PPP2R2C: variants seen among roughly 807,000 people sequenced by gnomAD.
The protein encoded by PPP2R2C is protein phosphatase 2, regulatory subunit B, gamma.
A neutral mutation model predicts 45.3 loss-of-function variants in PPP2R2C; 10 were observed. The observed-to-expected ratio is 0.22, with a 90% CI of 0.14 to 0.37. The LOEUF is 0.37. Among genes scored for constraint, PPP2R2C ranks in the 10% least tolerant of loss-of-function variants. The probability of loss-of-function intolerance (pLI) is 1.00; values close to 1 mark genes in which losing one functional copy is unlikely to be tolerated. For synonymous variants in PPP2R2C, 257 were observed against 245.4 expected, an observed-to-expected ratio of 1.05 and a Z score of -0.44; for missense variants, 308 against 619.7, an observed-to-expected ratio of 0.50 and a Z score of 5.34.
chr4:6,414,158 G>A (rs1718404046), intron 1 of PPP2R2C: 1 of 1,077,864 alleles, frequency 9.3e-7, no homozygotes, highest in Non-Finnish European at 1.2e-6. Context: ...ACAAAATACG[G>A]CCTAGTATGC....
rs538568810 is a variant in PPP2R2C at position 6,401,347 on chromosome 4, C to T, written c.71-20253G>A. Among the ~76,000 whole-genome samples the T allele has an allele frequency of 3.8e-4, 58 of 152,174 alleles. No individual in the cohort carries two copies. In the South Asian group the frequency reaches 4.2e-3, roughly 11 times the overall value. Reference sequence around the variant, plus strand: ...GCTGTTTCCGAGTATTGTCAGGAACCGTCTTTGGACTGCCTCCTTCACTTC... The same window carrying T: ...GCTGTTTCCGAGTATTGTCAGGAACTGTCTTTGGACTGCCTCCTTCACTTC... On this transcript the variant is annotated intron_variant, in intron 1 of 8. Transcript: ENST00000382599.
intron 1 of PPP2R2C, among the ~76,000 whole-genome samples, chr4:6,539,224 G>A (rs1427597134): frequency 6.6e-6 from 1 of 152,094 alleles, no homozygotes; most frequent in Non-Finnish European, 1.5e-5. Context: ...TGGAGGTGGA[G>A]GTTGGGATGA....
intron 5 of PPP2R2C, among the ~76,000 whole-genome samples, chr4:6,359,960 G>A (rs886438770): frequency 2.0e-5 from 3 of 152,210 alleles, no homozygotes; most frequent in Non-Finnish European, 2.9e-5. Flanking sequence ...CTCCACAAAC[G>A]CCAAAAGCAG....
rs1026917508 is a variant in PPP2R2C at position 6,332,180 on chromosome 4, C to T, written c.960+1382G>A. The stretch of plus-strand genomic sequence containing the variant: ...GACCTCAGGGATGGAGGTAAGTGAC[C>T]GGACAAGGGGCCGGAGGGGGTTGGA... On this transcript the variant is annotated intron_variant, in intron 7 of 8. Coordinates refer to ENST00000382599, the MANE Select transcript of PPP2R2C (RefSeq NM_020416.4). This position sits in a 1 kb window ranked among gnomAD's most constrained non-coding sequence, Gnocchi z 4.9. Among the ~76,000 whole-genome samples, 1 of 152,096 alleles carries T rather than the reference C, an allele frequency of 6.6e-6. No homozygotes were observed. The highest frequency in any genetic ancestry group is 2.1e-4 in the South Asian group (1 of 4,826).
rs147030523 is a variant in PPP2R2C at position 6,408,606 on chromosome 4, A to G, written c.71-27512T>C. 1.8e-3 allele frequency among the ~76,000 whole-genome samples: 267 copies of G among 152,314 alleles called. 1 individual carries two copies. Among genetic ancestry groups the G allele is most frequent in the African/African-American group, 6.0e-3 (249 of 41,574 alleles). ...GAGCAGGCGAGTGATTTCAGACCTC[A>G]GATGCAGGGCAATTACAGTGGGCTT... On this transcript the variant is annotated intron_variant, in intron 1 of 8. Transcript: ENST00000382599.
At position 6,323,471 on chromosome 4, in the gene PPP2R2C, C is replaced by T. The variant is rs1403427226; in HGVS notation, c.1175G>A (p.Arg392His). 9 of 1,612,764 alleles carry T rather than the reference C, an allele frequency of 5.6e-6. No homozygotes were observed. The highest frequency in any genetic ancestry group is 7.6e-6 in the Non-Finnish European group (9 of 1,178,908). Residue 392 changes from arginine (R) to histidine (H), a missense_variant, in exon 9 of 9, where the codon CGC (arginine) becomes CAC (histidine). Arg to His is a conservative substitution (Grantham distance 29). Coordinates refer to ENST00000382599, the MANE Select transcript of PPP2R2C (RefSeq NM_020416.4). ...SKPRAVLKPR[R>H]VCVGGKRRRD... Reference sequence around the variant, plus strand: ...CCGGCGCTTGCCCCCCACGCACACGCGCCGTGGCTTGAGCACAGCCCGGGG... The same window carrying T: ...CCGGCGCTTGCCCCCCACGCACACGTGCCGTGGCTTGAGCACAGCCCGGGG...
At chr4:6,390,254 G>T (rs1006499370) in intron 1 of PPP2R2C, among the ~76,000 whole-genome samples, 1 of 152,168 alleles carries the variant, frequency 6.6e-6, no homozygotes, top group African/African-American at 2.4e-5. Context: ...GTGCCTGGGG[G>T]ATTGAGCAAA....
At position 6,393,280 on chromosome 4, in the gene PPP2R2C, T is replaced by A. The variant is rs542777613; in HGVS notation, c.71-12186A>T. Among the ~76,000 whole-genome samples, 122 of 152,244 alleles carry A rather than the reference T, an allele frequency of 8.0e-4. 1 individual carries two copies. Among genetic ancestry groups the A allele is most frequent in the Non-Finnish European group, 1.3e-3 (91 of 68,018 alleles). ...CAGCCCCCGGAAATCACTGATCTACTTCCTGTTTCTATGGATTTTGCCTAC... is the reference window on the plus strand; with the variant it reads ...CAGCCCCCGGAAATCACTGATCTACATCCTGTTTCTATGGATTTTGCCTAC... On this transcript the variant is annotated intron_variant, in intron 1 of 8. Transcript: ENST00000382599.
chr4:6,354,499 C>A (rs577417676), intron 5 of PPP2R2C, among the ~76,000 whole-genome samples: 1 of 152,198 alleles, frequency 6.6e-6, no homozygotes, highest in African/African-American at 2.4e-5. Context: ...TGCCCCCACA[C>A]CCCTCACACA....
chr4:6,469,637 G>C (rs1269262802), intron 1 of PPP2R2C, among the ~76,000 whole-genome samples: 1 of 152,166 alleles, frequency 6.6e-6, no homozygotes, highest in African/African-American at 2.4e-5. Context: ...CCTTTACAAA[G>C]GGAAAGTGAA....
intron 1 of PPP2R2C, among the ~76,000 whole-genome samples, chr4:6,403,758 G>A (rs1044149573): frequency 6.6e-6 from 1 of 152,068 alleles, no homozygotes; most frequent in Non-Finnish European, 1.5e-5. Flanking sequence ...AGCTACTCAG[G>A]AGGCTGAGGC....
intron 1 of PPP2R2C, among the ~76,000 whole-genome samples, chr4:6,546,042 C>T (rs544997256): frequency 8.5e-5 from 13 of 152,288 alleles, no homozygotes; most frequent in African/African-American, 2.9e-4. Flanking sequence ...AGCACAGAAT[C>T]AACACGTGGC....
chr4:6,384,812 G>A, intron 1 of PPP2R2C: 1 of 985,478 alleles, frequency 1.0e-6, no homozygotes, highest in Non-Finnish European at 1.2e-6. Flanking sequence ...CAGCAGAGGA[G>A]ATGGAGGCTC....
rs535075702 is a variant in PPP2R2C, at chr4:6,330,373, G to T, written c.961-1020C>A. Among the ~76,000 whole-genome samples, 1 of 152,344 alleles carries T rather than the reference G, an allele frequency of 6.6e-6. No homozygotes were observed. The highest frequency in any genetic ancestry group is 2.1e-4 in the South Asian group (1 of 4,828). On this transcript the variant is annotated intron_variant, in intron 7 of 8. Coordinates refer to ENST00000382599, the MANE Select transcript of PPP2R2C (RefSeq NM_020416.4). This position sits in a 1 kb window ranked among gnomAD's most constrained non-coding sequence, Gnocchi z 7.0. ...AGGGTGGTGTGAACGTCAATTTCGTGTGTCAGCTTGGCTGGGCCAAGGTAC... is the reference window on the plus strand; with the variant it reads ...AGGGTGGTGTGAACGTCAATTTCGTTTGTCAGCTTGGCTGGGCCAAGGTAC...
intron 5 of PPP2R2C, among the ~76,000 whole-genome samples, chr4:6,356,710 G>A (rs899084527): frequency 6.6e-6 from 1 of 152,248 alleles, no homozygotes; most frequent in African/African-American, 2.4e-5. Flanking sequence ...GAAGGTCTGC[G>A]GCCTGTTCTG....
chr4:6,517,040 C>A (rs1234775472), intron 2 of PPP2R2C, among the ~76,000 whole-genome samples: 1 of 152,152 alleles, frequency 6.6e-6, no homozygotes, highest in Non-Finnish European at 1.5e-5. Context: ...TGGGTTCCTC[C>A]CACGCCCACA....
intron 5 of PPP2R2C, among the ~76,000 whole-genome samples, chr4:6,355,081 C>T (rs879113177): frequency 5.9e-5 from 9 of 152,216 alleles, no homozygotes; most frequent in Non-Finnish European, 7.3e-5. Flanking sequence ...TTAATCACTG[C>T]TTATTACATT....
intron 2 of PPP2R2C, among the ~76,000 whole-genome samples, chr4:6,524,202 G>A (rs919082939): frequency 6.6e-6 from 1 of 152,156 alleles, no homozygotes; most frequent in East Asian, 1.9e-4. Flanking sequence ...AATTACAGGC[G>A]TGAGCCACTG....
At chr4:6,459,488 T>A (rs1721213067) in intron 1 of PPP2R2C, among the ~76,000 whole-genome samples, 1 of 152,144 alleles carries the variant, frequency 6.6e-6, no homozygotes, top group Non-Finnish European at 1.5e-5. Context: ...ATAAAATCAA[T>A]GCTACCAGAA....
Sources: gnomAD v4.1 joint callset for allele counts (sites outside exome capture counted in the v4.1 genomes callset) on GRCh38, gnomAD v4.1.1 for gene constraint, Gnocchi (gnomAD v3.1) non-coding constraint, MANE v1.5 for transcripts, NCBI Gene and HGNC (gene_info 2026-07-23, HGNC 2026-07-21) for gene names.